The following ARMH4 variants were observed in gnomAD, a reference collection of about 807,000 sequenced individuals.
The protein encoded by ARMH4 is armadillo like helical domain containing 4.
In ARMH4, 49 loss-of-function variants were observed where a neutral mutation model predicts 61.9. That is an observed-to-expected ratio of 0.79 (90% CI 0.63 to 1.00). The LOEUF (loss-of-function observed/expected upper bound fraction) is 1.00, where lower values mean the gene tolerates loss of function less well. Among genes scored for constraint, ARMH4 ranks in the 50% least tolerant of loss-of-function variants. ARMH4 has a pLI of 0.00. For synonymous variants in ARMH4, 368 were observed against 341.5 expected (o/e 1.08, Z -0.85); for missense variants, 934 against 930.0 (o/e 1.00, Z -0.06).
In ARMH4 at chr14:58,004,779, T is replaced by C; in HGVS notation, c.2282A>G (p.Asp761Gly). ...GCTGTCGGCTAAGAGCATTACTCGATCTTGCATGCTGTTGAATTCTCTCTG... is the reference window on the plus strand; with the variant it reads ...GCTGTCGGCTAAGAGCATTACTCGACCTTGCATGCTGTTGAATTCTCTCTG... ...RKQREFNSMQ[D>G]RVMLLADSSE... Residue 761 changes from aspartate (D) to glycine (G), a missense_variant, in exon 8 of 8, where the codon GAT becomes GGT. Transcript: ENST00000267485. 1.9e-6 allele frequency: 3 copies of C among 1,611,876 alleles called. No homozygotes were observed. Among genetic ancestry groups the C allele is most frequent in the Non-Finnish European group, 2.5e-6 (3 of 1,178,094 alleles).
chr14:58,016,610 T>C (rs1882624944), intron 5 of ARMH4, among the ~76,000 whole-genome samples: 1 of 152,182 alleles, frequency 6.6e-6, no homozygotes, highest in African/African-American at 2.4e-5. Flanking sequence ...CATAAACCTT[T>C]GCAAACTAAA....
chr14:58,033,244 C>G (rs1255597548), intron 5 of ARMH4, among the ~76,000 whole-genome samples: 1 of 118,428 alleles, frequency 8.4e-6, no homozygotes, highest in Admixed American at 8.2e-5. Context: ...GTCCCTGACC[C>G]CTGACCCCCA....
chr14:58,139,203 G>A lies in ARMH4; in HGVS notation c.156C>T (p.Thr52=), dbSNP rs377287561. The A allele has an allele frequency of 2.1e-4, 336 of 1,614,168 alleles. No homozygotes were observed. The highest frequency in any genetic ancestry group is 4.8e-4 in the Admixed American group (29 of 60,026). Residue 52 remains threonine, a synonymous_variant, in exon 2 of 8, where the codon ACC becomes ACT. Coordinates refer to ENST00000267485, the MANE Select transcript of ARMH4 (RefSeq NM_001001872.4). Reference sequence around the variant, plus strand: ...TAACAGAGCTATTTTCTAGGTCATCGGTGTTCATCTTATCGGACTGCCCTT... The same window carrying A: ...TAACAGAGCTATTTTCTAGGTCATCAGTGTTCATCTTATCGGACTGCCCTT... ...AEKGQSDKMN[T]DDLENSSVTS...
At chr14:58,098,671 T>C (rs907861734) in intron 4 of ARMH4, among the ~76,000 whole-genome samples, 3 of 152,130 alleles carry the variant, frequency 2.0e-5, no homozygotes, top group Non-Finnish European at 4.4e-5. Context: ...TTGAGGCAGG[T>C]GTGGCCTCGC....
intron 5 of ARMH4, among the ~76,000 whole-genome samples, chr14:58,012,624 G>T (rs868649121): frequency 2.6e-5 from 4 of 152,184 alleles, no homozygotes; most frequent in Non-Finnish European, 5.9e-5. Flanking sequence ...CCAAAGAGAA[G>T]CATTTGCAAT....
At chr14:58,062,813 C>A (rs1884574317) in intron 5 of ARMH4, among the ~76,000 whole-genome samples, 1 of 152,182 alleles carries the variant, frequency 6.6e-6, no homozygotes, top group Non-Finnish European at 1.5e-5. Flanking sequence ...ATTTGCAGCC[C>A]CTCCTGGGAG....
intron 5 of ARMH4, among the ~76,000 whole-genome samples, chr14:58,023,554 G>A (rs969605815): frequency 6.6e-6 from 1 of 152,100 alleles, no homozygotes; most frequent in Admixed American, 6.6e-5. Context: ...TCATCCATAA[G>A]GGTTAGAATC....
At chr14:58,030,939 T>C (rs902482390) in intron 5 of ARMH4, among the ~76,000 whole-genome samples, 2 of 152,232 alleles carry the variant, frequency 1.3e-5, no homozygotes, top group African/African-American at 4.8e-5. Flanking sequence ...TGAACATGGA[T>C]GTACAAATAT....
At chr14:58,042,898 G>T (rs922980535) in intron 5 of ARMH4, among the ~76,000 whole-genome samples, 1 of 152,232 alleles carries the variant, frequency 6.6e-6, no homozygotes, top group East Asian at 1.9e-4. Flanking sequence ...AAACCAGGAA[G>T]AACTTGAATC....
At position 58,034,530 on chromosome 14, in the gene ARMH4, C is replaced by G. The variant is rs1262482975; in HGVS notation, c.2090-22380G>C. On this transcript the variant is annotated intron_variant, in intron 5 of 7. Transcript: ENST00000267485. ...AAATCACCACCTAACATCATAATGA[C>G]AGGATCAAATTCACACATAACAATA... is the stretch of plus-strand genomic sequence containing the variant. Among the ~76,000 whole-genome samples the G allele has an allele frequency of 5.1e-5, 6 of 117,674 alleles. 1 individual carries two copies. Among genetic ancestry groups the G allele is most frequent in the African/African-American group, 1.6e-4 (5 of 30,866 alleles). The allele number at this position is 117,674 out of a possible 152,430, so 77.2% of individuals were successfully genotyped here. A position where few individuals can be genotyped will look rare whatever the true frequency, so the allele number is the denominator to read the frequency against.
chr14:58,088,009 G>T (rs1885435117), intron 5 of ARMH4, among the ~76,000 whole-genome samples: 1 of 152,176 alleles, frequency 6.6e-6, no homozygotes, highest in South Asian at 2.1e-4. Flanking sequence ...AGTTCACAGT[G>T]CACATCTGCG....
chr14:58,054,408 T>A (rs178479), intron 5 of ARMH4, among the ~76,000 whole-genome samples: 4,577 of 152,280 alleles, frequency 0.03, 216 homozygotes, highest in African/African-American at 0.1. Context: ...CAGTGAAGAT[T>A]TAGCTGCCTG....
chr14:58,070,422 A>G (rs570535401), intron 5 of ARMH4, among the ~76,000 whole-genome samples: 1 of 152,318 alleles, frequency 6.6e-6, no homozygotes, highest in East Asian at 1.9e-4. Flanking sequence ...AGAGCAACTA[A>G]GAGTCACCCA....
intron 4 of ARMH4, among the ~76,000 whole-genome samples, chr14:58,108,497 T>C (rs1026090733): frequency 9.9e-5 from 15 of 152,216 alleles, no homozygotes; most frequent in Non-Finnish European, 1.9e-4. Flanking sequence ...TACTGACTGC[T>C]ATATTTGGGG....
In ARMH4 at chr14:58,003,134, T is replaced by A. The variant is rs1487142936; in HGVS notation, c.*1602A>T. ...CATTTAACAAAGATGGAAATTCACA[T>A]CAAACGTTCCTTGACCAGGCAGCTA... is the stretch of plus-strand genomic sequence containing the variant. On this transcript the variant is annotated 3_prime_UTR_variant, in exon 8 of 8. Transcript: ENST00000267485. 2 of 150,610 alleles carry A rather than the reference T, an allele frequency of 1.3e-5. No individual in the cohort carries two copies. Among genetic ancestry groups the A allele is most frequent in the Non-Finnish European group, 3.0e-5 (2 of 67,558 alleles). 9.3% of individuals were successfully genotyped at this position (150,610 alleles called of 1,614,324 possible).
chr14:58,057,383 C>T (rs561909023), intron 5 of ARMH4, among the ~76,000 whole-genome samples: 1 of 152,256 alleles, frequency 6.6e-6, no homozygotes, highest in South Asian at 2.1e-4. Flanking sequence ...TTATTTAATC[C>T]TTACAACAAC....
intron 4 of ARMH4, among the ~76,000 whole-genome samples, chr14:58,098,123 GGAA>G (rs911953502): frequency 6.6e-5 from 10 of 151,910 alleles, no homozygotes; most frequent in Non-Finnish European, 1.2e-4. Context: ...AGAAAAGAAG[GGAA>G]GAAGAAGAAC....
chr14:58,118,255 G>T (rs1034304237), intron 4 of ARMH4, among the ~76,000 whole-genome samples: 3 of 152,160 alleles, frequency 2.0e-5, no homozygotes, highest in Admixed American at 6.5e-5. Flanking sequence ...TTCTTGTGTG[G>T]TGAGAACAGT....
rs945855466 is a variant in ARMH4 at position 58,002,346 on chromosome 14, T to C, written c.*2390A>G. 1 of 152,170 alleles carries C rather than the reference T, an allele frequency of 6.6e-6. No individual in the cohort carries two copies. The highest frequency in any genetic ancestry group is 2.4e-5 in the African/African-American group (1 of 41,440). The allele number at this position is 152,170 out of a possible 1,614,324, so 9.4% of individuals were successfully genotyped here. A position where few individuals can be genotyped will look rare whatever the true frequency, so the allele number is the denominator to read the frequency against. On this transcript the variant is annotated 3_prime_UTR_variant, in exon 8 of 8. Transcript: ENST00000267485. ...ATGTTTAAATGGGTTTGTACAGAAA[T>C]GTACTCTAAGTATAATCTTTTCCTT... is the stretch of plus-strand genomic sequence containing the variant.
Sources: gnomAD v4.1 joint callset for allele counts (sites outside exome capture counted in the v4.1 genomes callset) on GRCh38, gnomAD v4.1.1 for gene constraint, MANE v1.5 for transcripts, NCBI Gene and HGNC (gene_info 2026-07-23, HGNC 2026-07-21) for gene names.